The following PTPRN2 variants were observed in gnomAD, a reference collection of about 807,000 sequenced individuals.
PTPRN2 encodes the protein protein tyrosine phosphatase receptor type N2.
In PTPRN2, 74 loss-of-function variants were observed where a neutral mutation model predicts 118.8. The observed-to-expected ratio is 0.62, with a 90% CI of 0.52 to 0.76. The LOEUF (loss-of-function observed/expected upper bound fraction) is 0.76. Among genes scored for constraint, PTPRN2 ranks in the 30% least tolerant of loss-of-function variants. The probability of loss-of-function intolerance (pLI) is 0.00; values close to 1 mark genes in which losing one functional copy is unlikely to be tolerated. For synonymous variants in PTPRN2, 641 were observed against 608.0 expected (o/e 1.05, Z -0.80); for missense variants, 1,481 against 1,394.4 (o/e 1.06, Z -0.99).
In PTPRN2 at chr7:157,620,429, A is replaced by G. The variant is rs551356130; in HGVS notation, c.2344+933T>C. ...TTCTGGCAGTGATCCCTAGCTAGGT[A>G]GTAGGTGCTCAGTTTGTGGAAATAA... On this transcript the variant is annotated intron_variant, in intron 15 of 22. Transcript: ENST00000389418. Among the ~76,000 whole-genome samples the G allele has an allele frequency of 2.6e-5, 4 of 152,318 alleles. No homozygotes were observed. In the South Asian group the frequency reaches 8.3e-4, roughly 32 times the overall value.
intron 12 of PTPRN2, among the ~76,000 whole-genome samples, chr7:157,718,860 C>T (rs1799080911): frequency 6.6e-6 from 1 of 152,182 alleles, no homozygotes; most frequent in South Asian, 2.1e-4. Context: ...CCTCTGGGGC[C>T]CTCAGACCCC....
Position 157,629,697 on chromosome 7 carries a change from G to A in PTPRN2, c.2197-8188C>T, listed in dbSNP as rs1803821009. On this transcript the variant is annotated intron_variant, in intron 14 of 22. Transcript: ENST00000389418. This position sits in a 1 kb window ranked among gnomAD's most constrained non-coding sequence, Gnocchi z 4.4. Reference sequence around the variant, plus strand: ...CCAGCAGTGGAGACTTCTTCCCACTGTAGAACAAGGCGTGTTAAAGAAAGC... The same window carrying A: ...CCAGCAGTGGAGACTTCTTCCCACTATAGAACAAGGCGTGTTAAAGAAAGC... Among the ~76,000 whole-genome samples, 1 of 152,216 alleles carries A rather than the reference G, an allele frequency of 6.6e-6. No homozygotes were observed. The highest frequency in any genetic ancestry group is 2.4e-5 in the African/African-American group (1 of 41,446).
chr7:157,596,926 C>T lies in PTPRN2; in HGVS notation c.2419-1611G>A, dbSNP rs765424208. On this transcript the variant is annotated intron_variant, in intron 16 of 22. Transcript: ENST00000389418. This position sits in a 1 kb window ranked among gnomAD's most constrained non-coding sequence, Gnocchi z 4.2. ...TTAACCCTATGCAATTTTAAGCCAA[C>T]GCACGAGGACATCAGTGGTGGCCCC... Among the ~76,000 whole-genome samples, 3 of 152,182 alleles carry T rather than the reference C, an allele frequency of 2.0e-5. No individual in the cohort carries two copies. The highest frequency in any genetic ancestry group is 7.2e-5 in the African/African-American group (3 of 41,434).
At chr7:158,404,833 GCCCC>G (rs1449578102) in intron 2 of PTPRN2, among the ~76,000 whole-genome samples, 114 of 80,470 alleles carry the variant, frequency 1.4e-3, no homozygotes, top group African/African-American at 1.8e-3. Flanking sequence ...CAGCTCCCCG[GCCCC>G]AGCTCCCCGG....
At position 157,632,472 on chromosome 7, in the gene PTPRN2, GAT is replaced by G; in HGVS notation, c.2197-10965_2197-10964del. Among the ~76,000 whole-genome samples, 1 of 152,200 alleles carries G rather than the reference GAT, an allele frequency of 6.6e-6. No homozygotes were observed. The highest frequency in any genetic ancestry group is 1.5e-5 in the Non-Finnish European group (1 of 68,024). On this transcript the variant is annotated intron_variant, in intron 14 of 22. Transcript: ENST00000389418. The surrounding 1 kb of genome is among the most constrained non-coding windows in gnomAD (Gnocchi z 4.3). ...ATGTTCTAATTAATAAACTTAAAAAGATAAGTAATTTTTTCCTTACCACCTAC... is the reference window on the plus strand; with the variant it reads ...ATGTTCTAATTAATAAACTTAAAAAGAAGTAATTTTTTCCTTACCACCTAC...
At chr7:158,317,445 C>T (rs566763872) in intron 2 of PTPRN2, among the ~76,000 whole-genome samples, 2 of 152,208 alleles carry the variant, frequency 1.3e-5, no homozygotes, top group African/African-American at 2.4e-5. Context: ...GCAGGAGAGG[C>T]GCGGGGCTGG....
intron 10 of PTPRN2, among the ~76,000 whole-genome samples, chr7:158,109,485 C>T (rs1585466767): frequency 2.0e-5 from 3 of 151,926 alleles, no homozygotes; most frequent in Admixed American, 6.5e-5. Context: ...GACATCACCC[C>T]TGTGTGAAGG....
At chr7:157,864,512 G>A (rs1237316303) in intron 12 of PTPRN2, 2 of 152,294 alleles carry the variant, frequency 1.3e-5, no homozygotes, top group African/African-American at 2.4e-5. Context: ...AGATTGAGAG[G>A]ATGGTGGGGT....
rs186387227 is a variant in PTPRN2 at position 157,729,671 on chromosome 7, C to T, written c.1789-46734G>A. 3.9e-3 allele frequency among the ~76,000 whole-genome samples: 590 copies of T among 152,262 alleles called. 13 individuals carry two copies. Among genetic ancestry groups the T allele is most frequent in the East Asian group, 1.4e-3 (7 of 5,182 alleles). ...CCTGACCCAGTCCTGCAGGGAGGTC[C>T]TGGGAGGGTCGCTAGGGTGAGGACG... On this transcript the variant is annotated intron_variant, in intron 12 of 22. Transcript: ENST00000389418. The surrounding 1 kb of genome is among the most constrained non-coding windows in gnomAD (Gnocchi z 4.3).
chr7:158,502,739 T>G (rs576484983), intron 1 of PTPRN2, among the ~76,000 whole-genome samples: 1 of 152,390 alleles, frequency 6.6e-6, no homozygotes, highest in African/African-American at 2.4e-5. Flanking sequence ...AAATTCACGC[T>G]GAGCCACTTT....
At chr7:158,383,229 G>T (rs1303808447) in intron 2 of PTPRN2, among the ~76,000 whole-genome samples, 1 of 152,152 alleles carries the variant, frequency 6.6e-6, no homozygotes, top group African/African-American at 2.4e-5. Flanking sequence ...CTATTTTGAA[G>T]AATTATTTTT....
At chr7:158,476,593 C>A (rs1191994297) in intron 2 of PTPRN2, among the ~76,000 whole-genome samples, 1 of 152,364 alleles carries the variant, frequency 6.6e-6, no homozygotes, top group Middle Eastern at 3.4e-3. Flanking sequence ...GGCACCCTCA[C>A]CCTGTCTGTG....
At chr7:158,173,925 T>C (rs538578011) in intron 5 of PTPRN2, among the ~76,000 whole-genome samples, 3 of 152,330 alleles carry the variant, frequency 2.0e-5, no homozygotes, top group African/African-American at 7.2e-5. Flanking sequence ...TCTGTTCCTT[T>C]TCAGGGTGCC....
chr7:157,973,640 A>G (rs1348403482), intron 11 of PTPRN2, among the ~76,000 whole-genome samples: 1 of 152,248 alleles, frequency 6.6e-6, no homozygotes, highest in Non-Finnish European at 1.5e-5. Context: ...TCACTGGATT[A>G]GATGGCTCTC....
chr7:157,802,225 C>G (rs940423837), intron 12 of PTPRN2, among the ~76,000 whole-genome samples: 1 of 152,238 alleles, frequency 6.6e-6, no homozygotes, highest in Non-Finnish European at 1.5e-5. Flanking sequence ...GCCCTTGGAA[C>G]GGCCCCTTCC....
At position 158,323,834 on chromosome 7, in the gene PTPRN2, G is replaced by A. The variant is rs192199525; in HGVS notation, c.164-6902C>T. 1.3e-3 allele frequency among the ~76,000 whole-genome samples: 198 copies of A among 152,154 alleles called. 6 individuals carry two copies. In the South Asian group the frequency reaches 0.038, roughly 30 times the overall value. ...ACCTCCCTCCAACCTTACACCACAC[G>A]TGTGTACACGGTGCATGTATGCACA... On this transcript the variant is annotated intron_variant, in intron 2 of 22. Coordinates refer to ENST00000389418, the MANE Select transcript of PTPRN2 (RefSeq NM_002847.5).
intron 1 of PTPRN2, among the ~76,000 whole-genome samples, chr7:158,557,210 C>CAGACG (rs1827089621): frequency 7.4e-6 from 1 of 135,892 alleles, no homozygotes; most frequent in Admixed American, 7.1e-5. Context: ...CCACGCAGGT[C>CAGACG]GCTCCCACGC....
At chr7:158,330,261 C>G (rs1337779317) in intron 2 of PTPRN2, among the ~76,000 whole-genome samples, 6 of 127,274 alleles carry the variant, frequency 4.7e-5, no homozygotes, top group Admixed American at 7.9e-5. Context: ...ACCATAAGAG[C>G]TGACACCCGC....
chr7:158,264,215 G>A (rs983809071), intron 3 of PTPRN2, among the ~76,000 whole-genome samples: 33 of 152,324 alleles, frequency 2.2e-4, no homozygotes, highest in African/African-American at 5.1e-4. Flanking sequence ...GGTAACGACC[G>A]CCTGAAAATG....
Sources: gnomAD v4.1 joint callset for allele counts (sites outside exome capture counted in the v4.1 genomes callset) on GRCh38, gnomAD v4.1.1 for gene constraint, Gnocchi (gnomAD v3.1) non-coding constraint, MANE v1.5 for transcripts, NCBI Gene and HGNC (gene_info 2026-07-23, HGNC 2026-07-21) for gene names.